Variants in CDH18 observed in about 807,000 individuals in gnomAD.
CDH18 encodes cadherin 18.
CDH18 carries 31 observed loss-of-function variants against 67.9 expected under a neutral mutation model. That is an observed-to-expected ratio of 0.46 (90% confidence interval 0.34 to 0.62). The LOEUF is 0.62. Among genes scored for constraint, CDH18 ranks in the 20% least tolerant of loss-of-function variants. The pLI is 0.01. For synonymous variants in CDH18, 362 were observed against 347.2 expected (o/e 1.04, Z -0.48); for missense variants, 890 against 975.5 (o/e 0.91, Z 1.17).
At chr5:19,981,980 C>T (rs931759048) in intron 1 of CDH18, among the ~76,000 whole-genome samples, 1 of 152,116 alleles carries the variant, frequency 6.6e-6, no homozygotes, top group Admixed American at 6.6e-5. Flanking sequence ...TGTTTACCAG[C>T]TTTCTTCCCA....
chr5:20,096,497 A>G (rs915202735), intron 2 of CDH18, among the ~76,000 whole-genome samples: 1 of 152,138 alleles, frequency 6.6e-6, no homozygotes, highest in African/African-American at 2.4e-5. Context: ...GAAAATATAA[A>G]TGAATTTTAA....
intron 2 of CDH18, among the ~76,000 whole-genome samples, chr5:20,095,744 C>A (rs1745936433): frequency 6.8e-6 from 1 of 146,808 alleles, no homozygotes; most frequent in African/African-American, 2.5e-5. Context: ...TACTTTGATA[C>A]CGAAGTTATA....
chr5:19,634,957 GA>G (rs762864395), intron 5 of CDH18, among the ~76,000 whole-genome samples: 1 of 148,882 alleles, frequency 6.7e-6, no homozygotes, highest in Non-Finnish European at 1.5e-5. Flanking sequence ...AAAAAAGAAA[GA>G]AAAAAAAGAA....
chr5:19,591,266 A>G lies in CDH18; in HGVS notation c.812-22T>C, dbSNP rs116384257. The G allele has an allele frequency of 2.2e-4, 327 of 1,476,302 alleles. 1 individual carries two copies. The African/African-American group carries it at 4.4e-3, about 20-fold the overall frequency. 91.5% of individuals were successfully genotyped at this position (1,476,302 alleles called of 1,614,324 possible). A position where few individuals can be genotyped will look rare whatever the true frequency, so the allele number is the denominator to read the frequency against. On this transcript the variant is annotated intron_variant, in intron 6 of 12. Coordinates refer to ENST00000382275, the MANE Select transcript of CDH18 (RefSeq NM_004934.5). ...TGTTCTGGAAGACATTTCATATTAA[A>G]CATATTTAAATACAATGTTCATGAA...
chr5:19,886,352 A>T (rs958412217), intron 2 of CDH18: 2 of 152,210 alleles, frequency 1.3e-5, no homozygotes, highest in African/African-American at 2.4e-5. Flanking sequence ...GCTATGCAGT[A>T]GAGGAGATTG....
intron 2 of CDH18, among the ~76,000 whole-genome samples, chr5:20,096,046 C>T (rs553221176): frequency 6.9e-4 from 105 of 151,880 alleles, no homozygotes; most frequent in African/African-American, 2.1e-3. Context: ...ACATTAGAAT[C>T]AAAGAAGCAA....
intron 2 of CDH18, among the ~76,000 whole-genome samples, chr5:19,891,967 A>T (rs1788823834): frequency 6.6e-6 from 1 of 152,190 alleles, no homozygotes; most frequent in South Asian, 2.1e-4. Context: ...TGTCTTGCTG[A>T]CTTTTTATTT....
intron 2 of CDH18, among the ~76,000 whole-genome samples, chr5:19,973,471 C>A (rs1319573382): frequency 6.6e-6 from 1 of 152,196 alleles, no homozygotes; most frequent in African/African-American, 2.4e-5. Context: ...TCTCTTAAAC[C>A]TTGGAAATCC....
intron 1 of CDH18, among the ~76,000 whole-genome samples, chr5:20,352,694 G>C (rs774621835): frequency 2.4e-4 from 36 of 151,634 alleles, no homozygotes; most frequent in Non-Finnish European, 5.2e-4. Flanking sequence ...TCGGGAGGCT[G>C]AGGCAGGAGA....
chr5:19,764,436 A>G (rs1772800687), intron 3 of CDH18, among the ~76,000 whole-genome samples: 1 of 151,990 alleles, frequency 6.6e-6, no homozygotes, highest in Admixed American at 6.6e-5. Context: ...GCTAAAAATT[A>G]TAAATAATAA....
intron 5 of CDH18, among the ~76,000 whole-genome samples, chr5:19,637,149 T>TCTTTTTCTTTCTTTCTTTCTTC (rs1753273156): frequency 6.7e-6 from 1 of 149,722 alleles, no homozygotes; most frequent in Non-Finnish European, 1.5e-5. Flanking sequence ...TTTCTTTCTT[T>TCTTTTTCTTTCTTTCTTTCTTC]CTTTTTCTTT....
chr5:20,562,951 T>C (rs924026813), intron 1 of CDH18, among the ~76,000 whole-genome samples: 2 of 151,650 alleles, frequency 1.3e-5, no homozygotes, highest in Admixed American at 1.3e-4. Flanking sequence ...CTACTTAATG[T>C]CAATTCTACT....
chr5:20,033,284 T>C (rs1029494477), intron 2 of CDH18, among the ~76,000 whole-genome samples: 2 of 152,044 alleles, frequency 1.3e-5, no homozygotes, highest in African/African-American at 2.4e-5. Context: ...TCATCTCAAA[T>C]GTCCTTGTAC....
intron 1 of CDH18, among the ~76,000 whole-genome samples, chr5:20,386,673 C>A (rs1744335567): frequency 6.6e-6 from 1 of 152,050 alleles, no homozygotes; most frequent in African/African-American, 2.4e-5. Flanking sequence ...CTTCACATAA[C>A]CCATATCTTA....
chr5:19,703,634 A>T lies in CDH18; in HGVS notation c.643+17713T>A, dbSNP rs570166124. ...AGCAGTGCCTCGAGTGACTGCTCTC[A>T]GTTCTATTCAGCCAGGAATTTAGCA... On this transcript the variant is annotated intron_variant, in intron 5 of 12. Coordinates refer to ENST00000382275, the MANE Select transcript of CDH18 (RefSeq NM_004934.5). Among the ~76,000 whole-genome samples, 64 of 152,174 alleles carry T rather than the reference A, an allele frequency of 4.2e-4. No individual in the cohort carries two copies. In the South Asian group the frequency reaches 0.01, roughly 25 times the overall value.
intron 1 of CDH18, among the ~76,000 whole-genome samples, chr5:20,569,543 G>T (rs2434782): frequency 6.6e-5 from 10 of 152,034 alleles, no homozygotes; most frequent in Non-Finnish European, 1.5e-4. Context: ...CCTGGGAGGT[G>T]GAGGTTGCAG....
At chr5:20,014,639 C>T (rs1737727634) in intron 2 of CDH18, among the ~76,000 whole-genome samples, 1 of 152,096 alleles carries the variant, frequency 6.6e-6, no homozygotes, top group South Asian at 2.1e-4. Flanking sequence ...GAAATCCAGT[C>T]ATCTTCTTAG....
At chr5:20,500,326 G>A (rs1754181782) in intron 1 of CDH18, among the ~76,000 whole-genome samples, 1 of 152,060 alleles carries the variant, frequency 6.6e-6, no homozygotes, top group South Asian at 2.1e-4. Flanking sequence ...ATAGAAATTG[G>A]CTTTTGATGC....
At chr5:19,912,006 A>T (rs76324152) in intron 2 of CDH18, among the ~76,000 whole-genome samples, 113 of 152,226 alleles carry the variant, frequency 7.4e-4, no homozygotes, top group African/African-American at 2.6e-3. Flanking sequence ...TAGTGGTATC[A>T]TTGAAGCGGC....
Sources: gnomAD v4.1 joint callset for allele counts (sites outside exome capture counted in the v4.1 genomes callset) on GRCh38, gnomAD v4.1.1 for gene constraint, MANE v1.5 for transcripts, NCBI Gene and HGNC (gene_info 2026-07-23, HGNC 2026-07-21) for gene names.